Variants in MEGF6 observed in about 807,000 individuals in gnomAD.
The protein encoded by MEGF6 is multiple EGF like domains 6, also known as multiple epidermal growth factor-like domains protein 6.
In MEGF6, 184 loss-of-function variants were observed where a neutral mutation model predicts 207.1. The ratio of observed to expected loss-of-function variants is 0.89; its 90% CI spans 0.79 to 1.00. MEGF6 has a LOEUF of 1.00. Among genes scored for constraint, MEGF6 ranks in the 50% least tolerant of loss-of-function variants. The pLI is 0.00. For missense variants in MEGF6, 2,282 were observed against 2,202.9 expected, an observed-to-expected ratio of 1.04 and a Z score of -0.72; for synonymous variants, 1,038 against 910.0, an observed-to-expected ratio of 1.14 and a Z score of -2.53.
intron 5 of MEGF6, among the ~76,000 whole-genome samples, chr1:3,515,890 G>C (rs904082570): frequency 6.6e-6 from 1 of 152,220 alleles, no homozygotes; most frequent in Non-Finnish European, 1.5e-5. Flanking sequence ...AGCTGCAAGC[G>C]AGGGCTCAGT....
chr1:3,497,098 C>T lies in MEGF6; in HGVS notation c.3503G>A (p.Gly1168Glu). The change falls in exon 28 of 37, where the codon GGG becomes GAG. Residue 1168 changes from glycine (G) to glutamate (E), a missense_variant. Physicochemically the swap from Gly to Glu is moderately conservative, Grantham distance 98 (BLOSUM62 -2). Transcript: ENST00000356575. ...CTGGCACATCTGCGCACAGTCCTCC[C>T]CAAAGCTGCCGGGTGGGCAGGCTGG... is the stretch of plus-strand genomic sequence containing the variant. ...CEQACPPGSF[G>E]EDCAQMCQCP... 6.4e-7 allele frequency: 1 copy of T among 1,571,994 alleles called. No individual in the cohort carries two copies. Among genetic ancestry groups the T allele is most frequent in the Non-Finnish European group, 8.6e-7 (1 of 1,157,530 alleles).
At chr1:3,582,304 G>A (rs1423743988) in intron 3 of MEGF6, among the ~76,000 whole-genome samples, 5 of 152,186 alleles carry the variant, frequency 3.3e-5, no homozygotes, top group African/African-American at 7.2e-5. Flanking sequence ...CGCACACAGC[G>A]AATCCTCCCA....
chr1:3,531,556 G>A, intron 4 of MEGF6: 1 of 947,688 alleles, frequency 1.1e-6, no homozygotes, highest in Non-Finnish European at 1.3e-6. Flanking sequence ...GGCCGCGCCG[G>A]CCCGCCCGCC....
At chr1:3,596,640 G>C (rs1264829654) in intron 2 of MEGF6, among the ~76,000 whole-genome samples, 1 of 67,402 alleles carries the variant, frequency 1.5e-5, no homozygotes, top group East Asian at 4.9e-4. Context: ...CCCAGCCCCC[G>C]TCTCCACCCC....
At chr1:3,517,680 G>A (rs1641598624) in intron 5 of MEGF6, among the ~76,000 whole-genome samples, 1 of 152,142 alleles carries the variant, frequency 6.6e-6, no homozygotes, top group African/African-American at 2.4e-5. Flanking sequence ...CCCCTACCCA[G>A]GCCACAGCCA....
chr1:3,508,249 C>T (rs1202532522), intron 13 of MEGF6, among the ~76,000 whole-genome samples: 3 of 152,206 alleles, frequency 2.0e-5, no homozygotes, highest in African/African-American at 7.2e-5. Context: ...AGACACCCCT[C>T]ACTGTCTTAG....
intron 2 of MEGF6, among the ~76,000 whole-genome samples, chr1:3,602,183 G>T (rs1644171030): frequency 6.6e-6 from 1 of 152,126 alleles, no homozygotes; most frequent in Non-Finnish European, 1.5e-5. Context: ...TTCCTGCGTG[G>T]CCAGCATCCT....
rs1426677907 is a variant in MEGF6, at chr1:3,560,907, C to T, written c.481+18918G>A. 2.2e-5 allele frequency: 9 copies of T among 404,468 alleles called. No individual in the cohort carries two copies. Among genetic ancestry groups the T allele is most frequent in the Non-Finnish European group, 3.5e-5 (7 of 200,402 alleles). 25.1% of individuals were successfully genotyped at this position (404,468 alleles called of 1,614,324 possible). On this transcript the variant is annotated intron_variant, in intron 4 of 36. Transcript: ENST00000356575. The surrounding 1 kb of genome is among the most constrained non-coding windows in gnomAD (Gnocchi z 4.0). ...GGGGGTGCTGGGCTCTACCCCCAGG[C>T]CTCTACTACCCTCTGGCACACATCC...
intron 4 of MEGF6, among the ~76,000 whole-genome samples, chr1:3,577,831 C>A (rs937463292): frequency 6.6e-6 from 1 of 152,204 alleles, no homozygotes; most frequent in African/African-American, 2.4e-5. Context: ...GGCATGGAGC[C>A]CCCCCAACAA....
rs760516317 is a variant in MEGF6, at chr1:3,507,868, A to T, written c.1716T>A (p.Asn572Lys). 2 of 1,612,844 alleles carry T rather than the reference A, an allele frequency of 1.2e-6. No homozygotes were observed. The highest frequency in any genetic ancestry group is 1.7e-6 in the Non-Finnish European group (2 of 1,179,970). Residue 572 changes from asparagine to lysine, a missense_variant, in exon 14 of 37, where the codon AAT becomes AAA. Asn to Lys is a moderately conservative substitution (Grantham distance 94). Transcript: ENST00000356575. ...KNCSFSCSCQ[N>K]GGTCDSVTGA... is the part of the protein sequence containing the mutation. ...CCGTGACAGAGTCGCAGGTCCCACC[A>T]TTCTGACAGCTGCAGGAGAAGCTGC...
rs757951579 is a variant in MEGF6 at position 3,524,205 on chromosome 1, G to A, written c.523C>T (p.Arg175Trp). The A allele has an allele frequency of 6.3e-5, 101 of 1,612,798 alleles. 1 individual carries two copies. The highest frequency in any genetic ancestry group is 3.5e-4 in the Admixed American group (21 of 60,016). The change falls in exon 5 of 37, where the codon CGG becomes TGG. Residue 175 changes from arginine to tryptophan, a missense_variant. By Grantham distance (101) the Arg-to-Trp change is moderately radical. Coordinates refer to ENST00000356575, the MANE Select transcript of MEGF6 (RefSeq NM_001409.4). ...TAGGAGCCTGGGGTGTTCACGCACC[G>A]GTGCTGGCAGCCACCGTTGTGGGTT... is the stretch of plus-strand genomic sequence containing the variant. ...CRTHNGGCQHRCVNTPGSYLC... is the reference protein window; with the variant it reads ...CRTHNGGCQHWCVNTPGSYLC...
At chr1:3,589,606 C>T (rs550977031) in intron 3 of MEGF6, among the ~76,000 whole-genome samples, 17 of 152,300 alleles carry the variant, frequency 1.1e-4, no homozygotes, top group African/African-American at 2.6e-4. Context: ...TTCTCACTGG[C>T]GGCTTCATCC....
At chr1:3,508,965 G>A in intron 12 of MEGF6, 110 bp downstream of exon 12, 28 of 1,274,126 alleles carry the variant, frequency 2.2e-5, no homozygotes, top group Non-Finnish European at 2.9e-5. Context: ...TGGCATTGCA[G>A]GGGTCCTTCC....
chr1:3,612,676 C>G (rs1644343433), upstream of MEGF6, among the ~76,000 whole-genome samples: 1 of 152,192 alleles, frequency 6.6e-6, no homozygotes, highest in Non-Finnish European at 1.5e-5. Context: ...GGAACCTTCC[C>G]CCTCCAAGGC....
At chr1:3,525,675 C>G (rs1346933329) in intron 4 of MEGF6, among the ~76,000 whole-genome samples, 1 of 152,236 alleles carries the variant, frequency 6.6e-6, no homozygotes, top group Non-Finnish European at 1.5e-5. Flanking sequence ...CAGCAGGACC[C>G]CCGGGATGCA....
intron 6 of MEGF6, among the ~76,000 whole-genome samples, 191 bp downstream of exon 6, chr1:3,515,211 C>T (rs1252195521): frequency 1.3e-5 from 2 of 152,240 alleles, no homozygotes; most frequent in African/African-American, 2.4e-5. Flanking sequence ...GGGCAGCAAG[C>T]CTCAGGTGGG....
At chr1:3,590,424 A>C (rs1273701948) in intron 3 of MEGF6, among the ~76,000 whole-genome samples, 1 of 152,074 alleles carries the variant, frequency 6.6e-6, no homozygotes, top group Non-Finnish European at 1.5e-5. Flanking sequence ...GTGGGTCCGA[A>C]CCCCACTGCA....
At chr1:3,531,389 C>A (rs1471864448) in intron 4 of MEGF6, 8 of 1,161,986 alleles carry the variant, frequency 6.9e-6, no homozygotes, top group Middle Eastern at 3.5e-4. Flanking sequence ...CCGCTCCGCT[C>A]GGCGCCGCCC....
In MEGF6 at chr1:3,505,197, C is replaced by T. The variant is rs760394227; in HGVS notation, c.2188+11G>A. 3.6e-5 allele frequency: 58 copies of T among 1,610,326 alleles called. No individual in the cohort carries two copies. Among genetic ancestry groups the T allele is most frequent in the African/African-American group, 5.3e-5 (4 of 74,904 alleles). On this transcript the variant is annotated intron_variant, in intron 17 of 36. Transcript: ENST00000356575. Reference sequence around the variant, plus strand: ...TGAGACTGCCGGGAGCCCCAGGGGCCGGCCACTCACCTTGGCCACAGTCCT... The same window carrying T: ...TGAGACTGCCGGGAGCCCCAGGGGCTGGCCACTCACCTTGGCCACAGTCCT...
Sources: allele counts gnomAD v4.1 joint callset (sites outside exome capture counted in the v4.1 genomes callset), GRCh38; gene constraint gnomAD v4.1.1; non-coding constraint Gnocchi (gnomAD v3.1); transcripts MANE v1.5; gene names NCBI Gene and HGNC (gene_info 2026-07-23, HGNC 2026-07-21).